C12orf42: variants seen among roughly 807,000 people sequenced by gnomAD.
C12orf42 encodes the protein chromosome 12 open reading frame 42, also known as uncharacterized protein C12orf42.
Under a neutral mutation model 21.6 loss-of-function variants are expected in C12orf42, and 25 were observed. The ratio of observed to expected loss-of-function variants is 1.16; its 90% CI spans 0.84 to 1.62. The LOEUF (loss-of-function observed/expected upper bound fraction) is 1.62. Among genes scored for constraint, C12orf42 ranks in the 40% most tolerant of loss-of-function variants. C12orf42 has a pLI of 0.00. For missense variants in C12orf42, 483 were observed against 459.3 expected, an observed-to-expected ratio of 1.05 and a Z score of -0.47; for synonymous variants, 174 against 175.0, an observed-to-expected ratio of 0.99 and a Z score of 0.05.
chr12:103,308,837 T>G (rs1412472019), intron 4 of C12orf42, among the ~76,000 whole-genome samples: 2 of 152,196 alleles, frequency 1.3e-5, no homozygotes, highest in Non-Finnish European at 2.9e-5. Context: ...CCAATATGAC[T>G]GGTGTCCTAA....
chr12:103,478,307 A>G, intron 2 of C12orf42, 42 bp downstream of exon 2: 1 of 1,332,018 alleles, frequency 7.5e-7, no homozygotes, highest in South Asian at 1.3e-5. Flanking sequence ...AAACCTATTA[A>G]CCTAAAAAAA....
At chr12:103,272,239 C>T (rs1314756537) in intron 5 of C12orf42, among the ~76,000 whole-genome samples, 1 of 152,146 alleles carries the variant, frequency 6.6e-6, no homozygotes. Context: ...TGTCTTATTT[C>T]TAGGTCTCTA....
chr12:103,121,293 T>C, the C12orf42 span, among the ~76,000 whole-genome samples: 1 of 152,222 alleles, frequency 6.6e-6, no homozygotes, highest in South Asian at 2.1e-4. Context: ...CAAAAATGAC[T>C]ACAGATTGTG....
At chr12:103,488,760 A>C (rs756656903) in intron 1 of C12orf42, among the ~76,000 whole-genome samples, 4 of 152,156 alleles carry the variant, frequency 2.6e-5, no homozygotes, top group African/African-American at 7.2e-5. Context: ...AAGCTTGTGC[A>C]TGTGTCACGA....
intron 4 of C12orf42, among the ~76,000 whole-genome samples, chr12:103,322,734 A>G (rs10778231): frequency 0.49 from 75,167 of 152,098 alleles, 21,295 homozygotes; most frequent in African/African-American, 0.78. Context: ...AACTGGTCTC[A>G]CCACCACAAA....
chr12:103,478,938 C>A (rs971764722), intron 1 of C12orf42, among the ~76,000 whole-genome samples: 2 of 152,084 alleles, frequency 1.3e-5, no homozygotes, highest in Non-Finnish European at 2.9e-5. Context: ...TTGATGTGAA[C>A]AATTGTATCA....
chr12:103,405,616 G>C (rs561683876), intron 2 of C12orf42, among the ~76,000 whole-genome samples: 1 of 152,088 alleles, frequency 6.6e-6, no homozygotes, highest in Non-Finnish European at 1.5e-5. Flanking sequence ...CAAAAGAAAA[G>C]TTCCCAGGGG....
rs751527411 is a variant in C12orf42 at position 103,302,088 on chromosome 12, G to A, written c.*20C>T. Reference sequence around the variant, plus strand: ...GATTTGAAGATGGGCAGCACTCGCCGAACAATTCCCTCGCAGCGGTCAATG... The same window carrying A: ...GATTTGAAGATGGGCAGCACTCGCCAAACAATTCCCTCGCAGCGGTCAATG... On this transcript the variant is annotated 3_prime_UTR_variant, in exon 6 of 6. Coordinates refer to ENST00000548883, the MANE Select transcript of C12orf42 (RefSeq NM_198521.5). The A allele has an allele frequency of 1.0e-5, 16 of 1,597,928 alleles. No individual in the cohort carries two copies. The highest frequency in any genetic ancestry group is 1.4e-5 in the Non-Finnish European group (16 of 1,172,188).
intron 1 of C12orf42, among the ~76,000 whole-genome samples, chr12:103,479,473 A>G (rs373091676): frequency 1.3e-5 from 2 of 152,138 alleles, no homozygotes; most frequent in African/African-American, 4.8e-5. Flanking sequence ...CCAAAATAGT[A>G]TAAGTTTCAG....
chr12:103,217,351 T>C, the C12orf42 span, among the ~76,000 whole-genome samples: 1 of 151,820 alleles, frequency 6.6e-6, no homozygotes, highest in Admixed American at 6.6e-5. Flanking sequence ...ACCCTGTCTT[T>C]ACAAAAAAAC....
intron 1 of C12orf42, among the ~76,000 whole-genome samples, chr12:103,494,524 G>A (rs1282812368): frequency 6.6e-6 from 1 of 151,690 alleles, no homozygotes; most frequent in Non-Finnish European, 1.5e-5. Flanking sequence ...AGGAGGATGG[G>A]TGGGGGTTTT....
At chr12:103,062,795 T>A in the C12orf42 span, among the ~76,000 whole-genome samples, 3,426 of 148,178 alleles carry the variant, frequency 0.023, 58 homozygotes, top group African/African-American at 0.047. Flanking sequence ...TAATTTTGGA[T>A]TTTTTTTTTA....
At chr12:103,464,273 G>C (rs1205791595) in intron 2 of C12orf42, among the ~76,000 whole-genome samples, 2 of 152,044 alleles carry the variant, frequency 1.3e-5, no homozygotes. Flanking sequence ...ATTCTGACTG[G>C]CATAAGATGG....
chr12:103,497,465 T>C (rs1335080634), upstream of C12orf42, among the ~76,000 whole-genome samples: 1 of 152,192 alleles, frequency 6.6e-6, no homozygotes, highest in Non-Finnish European at 1.5e-5. Context: ...GGTAAGTGAC[T>C]GGCCCAAGAC....
chr12:103,377,236 CTTG>C (rs780324638), intron 3 of C12orf42, among the ~76,000 whole-genome samples: 1 of 151,756 alleles, frequency 6.6e-6, no homozygotes, highest in Non-Finnish European at 1.5e-5. Context: ...CTCTCTTCTG[CTTG>C]TTTTCATTTA....
At chr12:103,335,836 C>G (rs983313344) in intron 4 of C12orf42, among the ~76,000 whole-genome samples, 1 of 152,132 alleles carries the variant, frequency 6.6e-6, no homozygotes, top group Non-Finnish European at 1.5e-5. Context: ...ATGAGACAGC[C>G]AAGAAGAATC....
At chr12:103,551,836 T>A in the C12orf42 span, among the ~76,000 whole-genome samples, 2 of 151,438 alleles carry the variant, frequency 1.3e-5, no homozygotes, top group African/African-American at 4.9e-5. Flanking sequence ...ACAATAATAA[T>A]AATAAAATAA....
At chr12:103,450,665 A>G (rs1592867142) in intron 2 of C12orf42, among the ~76,000 whole-genome samples, 3 of 151,920 alleles carry the variant, frequency 2.0e-5, no homozygotes, top group Non-Finnish European at 2.9e-5. Context: ...CTCCAGTTTT[A>G]CTCTCCAGGA....
At chr12:103,511,204 C>T in the C12orf42 span, among the ~76,000 whole-genome samples, 6 of 152,178 alleles carry the variant, frequency 3.9e-5, no homozygotes, top group East Asian at 7.7e-4. Flanking sequence ...ATACACACAG[C>T]TTTATGTATG....
Sources: gnomAD v4.1 joint callset for allele counts (sites outside exome capture counted in the v4.1 genomes callset) on GRCh38, gnomAD v4.1.1 for gene constraint, MANE v1.5 for transcripts, NCBI Gene and HGNC (gene_info 2026-07-23, HGNC 2026-07-21) for gene names.